The following JAZF1 variants were observed in gnomAD, a reference collection of about 807,000 sequenced individuals.
JAZF1 encodes juxtaposed with another zinc finger protein 1.
Under a neutral mutation model 26.4 loss-of-function variants are expected in JAZF1, and 8 were observed. That is an observed-to-expected ratio of 0.30 (90% CI 0.18 to 0.55). The LOEUF (loss-of-function observed/expected upper bound fraction) is 0.55, where lower values mean the gene tolerates loss of function less well. Ranked by LOEUF, JAZF1 falls within the 20% of genes least tolerant of loss-of-function variation. The pLI is 0.94. For synonymous variants in JAZF1, 126 were observed against 122.3 expected, an observed-to-expected ratio of 1.03 and a Z score of -0.20; for missense variants, 199 against 322.0, an observed-to-expected ratio of 0.62 and a Z score of 2.92.
intron 1 of JAZF1, among the ~76,000 whole-genome samples, chr7:28,057,887 A>G (rs1395148222): frequency 6.6e-6 from 1 of 152,182 alleles, no homozygotes; most frequent in Non-Finnish European, 1.5e-5. Flanking sequence ...CATCTTTTCA[A>G]AGAACAAACT....
intron 3 of JAZF1, among the ~76,000 whole-genome samples, chr7:27,883,217 A>G (rs1020199742): frequency 3.3e-5 from 5 of 152,156 alleles, no homozygotes; most frequent in East Asian, 1.9e-4. Flanking sequence ...ATCTTTTTTG[A>G]TATTTTTTTG....
chr7:27,848,272 ACCT>A (rs1321471218), intron 3 of JAZF1, among the ~76,000 whole-genome samples: 7 of 152,026 alleles, frequency 4.6e-5, no homozygotes, highest in East Asian at 1.9e-4. Context: ...CAAATCTTTC[ACCT>A]CCTCATTAAA....
At chr7:28,109,740 T>C (rs1023631376) in intron 1 of JAZF1, among the ~76,000 whole-genome samples, 2 of 152,166 alleles carry the variant, frequency 1.3e-5, no homozygotes, top group Admixed American at 6.5e-5. Flanking sequence ...GGTCCTTCCA[T>C]CACCCACTCT....
intron 2 of JAZF1, among the ~76,000 whole-genome samples, chr7:27,933,122 C>T (rs1490877822): frequency 6.6e-6 from 1 of 152,064 alleles, no homozygotes; most frequent in Non-Finnish European, 1.5e-5. Context: ...GTATAGATGT[C>T]CCTGGTAAAA....
At chr7:27,999,596 C>T (rs1786091248) in intron 1 of JAZF1, among the ~76,000 whole-genome samples, 1 of 152,172 alleles carries the variant, frequency 6.6e-6, no homozygotes, top group Admixed American at 6.5e-5. Flanking sequence ...CCATATAGTA[C>T]TTTCAGCATG....
intron 1 of JAZF1, among the ~76,000 whole-genome samples, chr7:28,154,478 T>A (rs546748605): frequency 4.6e-5 from 7 of 152,304 alleles, no homozygotes; most frequent in African/African-American, 1.7e-4. Flanking sequence ...TAGTCTGATG[T>A]TCTGGAGTGA....
rs143672568 is a variant in JAZF1, at chr7:27,856,188, C to T, written c.386-15321G>A. 7.1e-3 allele frequency among the ~76,000 whole-genome samples: 1,082 copies of T among 152,198 alleles called. 11 individuals are homozygous for T. Among genetic ancestry groups the T allele is most frequent in the African/African-American group, 0.021 (887 of 41,500 alleles). On this transcript the variant is annotated intron_variant, in intron 3 of 4. Transcript: ENST00000283928. ...TGTTTGGATGTGTTCAGAGTTTCTT[C>T]CTTCTGGGGGGTTCGTGGTCTCGCT...
At chr7:27,899,397 A>G (rs1784127578) in intron 2 of JAZF1, among the ~76,000 whole-genome samples, 1 of 152,188 alleles carries the variant, frequency 6.6e-6, no homozygotes. Context: ...GAGTCTGGAC[A>G]CCACTGGTGA....
intron 2 of JAZF1, among the ~76,000 whole-genome samples, chr7:27,955,204 G>C (rs1785068274): frequency 6.6e-6 from 1 of 152,222 alleles, no homozygotes; most frequent in Non-Finnish European, 1.5e-5. Flanking sequence ...GATTTGTGAA[G>C]TAATAGAAAA....
chr7:28,133,902 C>T (rs1191810337), intron 1 of JAZF1, among the ~76,000 whole-genome samples: 1 of 152,218 alleles, frequency 6.6e-6, no homozygotes. Context: ...TGTCCCACTG[C>T]CACTCCCCAA....
chr7:27,980,921 T>C (rs931108552), intron 2 of JAZF1, among the ~76,000 whole-genome samples: 1 of 152,196 alleles, frequency 6.6e-6, no homozygotes, highest in South Asian at 2.1e-4. Context: ...CTTTCCACTA[T>C]GGCCAGGCTA....
intron 1 of JAZF1, among the ~76,000 whole-genome samples, chr7:28,062,355 CTG>C (rs1208529952): frequency 2.0e-5 from 3 of 152,148 alleles, no homozygotes; most frequent in Admixed American, 1.3e-4. Flanking sequence ...CTCCAGAGTA[CTG>C]TGTTTTGACG....
At chr7:27,976,446 C>T (rs1482687265) in intron 2 of JAZF1, among the ~76,000 whole-genome samples, 6 of 151,820 alleles carry the variant, frequency 4.0e-5, no homozygotes, top group Non-Finnish European at 7.4e-5. Context: ...TGGCAGGCAG[C>T]CATCTCAGCT....
chr7:28,169,319 TG>T (rs1222808795), intron 1 of JAZF1, among the ~76,000 whole-genome samples: 2 of 152,260 alleles, frequency 1.3e-5, no homozygotes, highest in African/African-American at 4.8e-5. Context: ...GTTTCCAATC[TG>T]GGCAGAATAT....
At chr7:28,042,888 G>A (rs1309443499) in intron 1 of JAZF1, among the ~76,000 whole-genome samples, 3 of 152,082 alleles carry the variant, frequency 2.0e-5, no homozygotes, top group Non-Finnish European at 2.9e-5. Context: ...TGATGTTCAG[G>A]TAATGATGAA....
At chr7:28,080,661 G>C (rs999655063) in intron 1 of JAZF1, among the ~76,000 whole-genome samples, 5 of 152,160 alleles carry the variant, frequency 3.3e-5, no homozygotes, top group African/African-American at 4.8e-5. Context: ...GGAATAGGCA[G>C]GCTCAGGGAG....
At chr7:28,035,340 A>AAAAAAAAAAAAAAAAAAG (rs1562565710) in intron 1 of JAZF1, among the ~76,000 whole-genome samples, 3 of 145,422 alleles carry the variant, frequency 2.1e-5, no homozygotes, top group Non-Finnish European at 3.0e-5. Context: ...AAAAAAAAAA[A>AAAAAAAAAAAAAAAAAAG]AAAGAAAGAA....
At chr7:28,144,090 T>G (rs920332561) in intron 1 of JAZF1, among the ~76,000 whole-genome samples, 1 of 152,190 alleles carries the variant, frequency 6.6e-6, no homozygotes, top group African/African-American at 2.4e-5. Context: ...TTGTAGCATG[T>G]TTACAAATTG....
intron 2 of JAZF1, among the ~76,000 whole-genome samples, 183 bp downstream of exon 2, chr7:27,991,726 T>C (rs770699345): frequency 9.9e-5 from 15 of 152,188 alleles, no homozygotes; most frequent in Non-Finnish European, 1.6e-4. Flanking sequence ...GCACAGAGCA[T>C]TACAATTCAA....
Sources: gnomAD v4.1 joint callset for allele counts (sites outside exome capture counted in the v4.1 genomes callset) on GRCh38, gnomAD v4.1.1 for gene constraint, MANE v1.5 for transcripts, NCBI Gene and HGNC (gene_info 2026-07-23, HGNC 2026-07-21) for gene names.